ADK: variants seen among roughly 807,000 people sequenced by gnomAD.
The protein encoded by ADK is N6,N6-dimethyladenosine kinase.
Under a neutral mutation model 44.7 loss-of-function variants are expected in ADK, and 24 were observed. The observed-to-expected ratio is 0.54, with a 90% CI of 0.39 to 0.76. The LOEUF (loss-of-function observed/expected upper bound fraction) is 0.76. ADK is among the 30% of genes least tolerant of loss of function. The probability of loss-of-function intolerance (pLI) is 0.00; values close to 1 mark genes in which losing one functional copy is unlikely to be tolerated. For synonymous variants in ADK, 128 were observed against 142.6 expected, an observed-to-expected ratio of 0.90 and a Z score of 0.73; for missense variants, 321 against 425.1, an observed-to-expected ratio of 0.76 and a Z score of 2.15.
chr10:74,373,587 CA>C (rs1375459512), intron 4 of ADK, among the ~76,000 whole-genome samples: 1 of 152,096 alleles, frequency 6.6e-6, no homozygotes, highest in Non-Finnish European at 1.5e-5. Flanking sequence ...AATTAGCTAT[CA>C]GGTATATTAA....
At chr10:74,590,062 C>T (rs1851664377) in intron 8 of ADK, among the ~76,000 whole-genome samples, 2 of 151,840 alleles carry the variant, frequency 1.3e-5, no homozygotes, top group Admixed American at 6.6e-5. Context: ...TGTATAATAC[C>T]CCTCTTCCAA....
At chr10:74,697,373 C>T (rs1564857832) in intron 10 of ADK, among the ~76,000 whole-genome samples, 1 of 151,696 alleles carries the variant, frequency 6.6e-6, no homozygotes, top group East Asian at 1.9e-4. Context: ...TCCATTTCTA[C>T]AAAAAATAGA....
intron 10 of ADK, among the ~76,000 whole-genome samples, chr10:74,702,900 G>A (rs1856485580): frequency 6.6e-6 from 1 of 152,042 alleles, no homozygotes; most frequent in Non-Finnish European, 1.5e-5. Flanking sequence ...CCTGGCCTAT[G>A]TGATCTTAAA....
chr10:74,326,088 C>T lies in ADK; in HGVS notation c.273+11343C>T, dbSNP rs112818212. Among the ~76,000 whole-genome samples the T allele has an allele frequency of 7.2e-5, 11 of 152,102 alleles. 1 individual carries two copies. The highest frequency in any genetic ancestry group is 2.2e-4 in the African/African-American group (9 of 41,492). ...GACTTCAAGTTATTTACTTGGCCTC[C>T]CAAAATTAATGTGCTATTGAATTTG... On this transcript the variant is annotated intron_variant, in intron 4 of 10. Transcript: ENST00000539909.
chr10:74,670,132 T>C (rs780047649), intron 9 of ADK, 51 bp from the exon 10 acceptor site: 21 of 1,376,428 alleles, frequency 1.5e-5, no homozygotes, highest in East Asian at 2.3e-5. Context: ...TGAGCTTGTA[T>C]TGAGTGTTAC....
chr10:74,651,588 A>T (rs1171581570), intron 9 of ADK, among the ~76,000 whole-genome samples: 1 of 152,030 alleles, frequency 6.6e-6, no homozygotes, highest in Non-Finnish European at 1.5e-5. Context: ...ATCACTGTTG[A>T]TGAAGGTTAT....
At chr10:74,676,719 A>G (rs1855407370) in intron 10 of ADK, among the ~76,000 whole-genome samples, 1 of 152,178 alleles carries the variant, frequency 6.6e-6, no homozygotes, top group Admixed American at 6.5e-5. Flanking sequence ...TAGGACTCCC[A>G]AAGTGCTGGA....
chr10:74,432,106 A>T (rs962935539), intron 6 of ADK, among the ~76,000 whole-genome samples: 2 of 151,940 alleles, frequency 1.3e-5, no homozygotes, highest in African/African-American at 4.8e-5. Flanking sequence ...AGGTGGGAGG[A>T]TCCCTTGAGC....
At chr10:74,258,986 G>C (rs1416647286) in intron 3 of ADK, among the ~76,000 whole-genome samples, 1 of 122,108 alleles carries the variant, frequency 8.2e-6, no homozygotes, top group African/African-American at 3.1e-5. Flanking sequence ...GAGTCTCCCT[G>C]TGTCGCCCAG....
intron 3 of ADK, among the ~76,000 whole-genome samples, chr10:74,303,758 A>C (rs978045496): frequency 7.3e-5 from 11 of 151,642 alleles, no homozygotes; most frequent in African/African-American, 2.4e-4. Flanking sequence ...ACCTGAAGTC[A>C]GGAGTTCGAG....
At chr10:74,427,725 GTA>G (rs372381491) in intron 6 of ADK, among the ~76,000 whole-genome samples, 110 of 87,462 alleles carry the variant, frequency 1.3e-3, no homozygotes, top group South Asian at 3.0e-3. Context: ...ATATGTATAT[GTA>G]TGTGTGTGTG....
In ADK at chr10:74,637,971, C is replaced by T. The variant is rs971053452; in HGVS notation, c.878-32212C>T. Among the ~76,000 whole-genome samples the T allele has an allele frequency of 3.3e-5, 5 of 152,228 alleles. No individual in the cohort carries two copies. In the East Asian group the frequency reaches 7.7e-4, roughly 24 times the overall value. On this transcript the variant is annotated intron_variant, in intron 9 of 10. Coordinates refer to ENST00000539909, the MANE Select transcript of ADK (RefSeq NM_006721.4). The stretch of plus-strand genomic sequence containing the variant: ...AGTTTATTGTATGTCAATCATGCTT[C>T]GATAAAGATGTTAGCAAAGGAAATG...
chr10:74,255,753 A>T (rs1237178255), intron 3 of ADK, among the ~76,000 whole-genome samples: 1 of 152,250 alleles, frequency 6.6e-6, no homozygotes, highest in Non-Finnish European at 1.5e-5. Flanking sequence ...GAATTTGTTA[A>T]GCAAACTTAC....
chr10:74,466,159 C>T (rs1302211076), intron 6 of ADK, among the ~76,000 whole-genome samples: 4 of 152,060 alleles, frequency 2.6e-5, no homozygotes, highest in Middle Eastern at 6.8e-3. Context: ...ATGGATGTAC[C>T]GGAGCATGTG....
chr10:74,302,097 TTTTGTTTG>T (rs769629153), intron 3 of ADK, among the ~76,000 whole-genome samples: 1 of 63,838 alleles, frequency 1.6e-5, no homozygotes, highest in East Asian at 3.1e-4. Flanking sequence ...TCTGTTTTTT[TTTTGTTTG>T]TTTGTTTTTT....
chr10:74,527,508 G>A (rs1849101103), intron 7 of ADK: 1 of 617,700 alleles, frequency 1.6e-6, no homozygotes, highest in Admixed American at 2.6e-5. Flanking sequence ...AGAGAATGTG[G>A]AGGGACCTTT....
At position 74,218,494 on chromosome 10, in the gene ADK, T is replaced by A. The variant is rs920797343; in HGVS notation, c.141-6044T>A. Reference sequence around the variant, plus strand: ...CTGCAATCTAGCAAGGCAGCCAACATTCAGATTCAGGAAATACAGAGAACG... The same window carrying A: ...CTGCAATCTAGCAAGGCAGCCAACAATCAGATTCAGGAAATACAGAGAACG... On this transcript the variant is annotated intron_variant, in intron 2 of 10. Transcript: ENST00000539909. Among the ~76,000 whole-genome samples, 13 of 152,176 alleles carry A rather than the reference T, an allele frequency of 8.5e-5. No individual in the cohort carries two copies. The South Asian group carries it at 2.1e-3, about 24-fold the overall frequency.
intron 3 of ADK, among the ~76,000 whole-genome samples, chr10:74,229,391 C>CTTTTTTTTTTTTTTTTTTTTTTGTT (rs371346131): frequency 1.0e-5 from 1 of 97,240 alleles, no homozygotes. Context: ...ATCTGGTATG[C>CTTTTTTTTTTTTTTTTTTTTTTGTT]TTTTTTTTTT....
intron 6 of ADK, among the ~76,000 whole-genome samples, chr10:74,467,340 C>T (rs1159151872): frequency 6.6e-6 from 1 of 152,088 alleles, no homozygotes; most frequent in Admixed American, 6.6e-5. Flanking sequence ...CAATGAAGAA[C>T]AATAAACTGC....
Sources: gnomAD v4.1 joint callset for allele counts (sites outside exome capture counted in the v4.1 genomes callset) on GRCh38, gnomAD v4.1.1 for gene constraint, MANE v1.5 for transcripts, NCBI Gene and HGNC (gene_info 2026-07-23, HGNC 2026-07-21) for gene names.